RTL4: variants seen among roughly 807,000 people sequenced by gnomAD.
The protein encoded by RTL4 is retrotransposon Gag-like protein 4.
A neutral mutation model predicts 5.3 loss-of-function variants in RTL4; 4 were observed. That is an observed-to-expected ratio of 0.75 (90% confidence interval 0.37 to 1.72). RTL4 has a LOEUF of 1.72. Ranked by LOEUF, RTL4 falls within the 40% of genes most tolerant of loss-of-function variation. The probability of loss-of-function intolerance (pLI) is 0.04; values close to 1 mark genes in which losing one functional copy is unlikely to be tolerated. For missense variants in RTL4, 260 were observed against 227.1 expected, an observed-to-expected ratio of 1.14 and a Z score of -0.93; for synonymous variants, 98 against 87.3, an observed-to-expected ratio of 1.12 and a Z score of -0.68.
the RTL4 span, among the ~76,000 whole-genome samples, chrX:112,172,476 G>T: frequency 9.0e-6 from 1 of 111,637 alleles, no homozygotes; most frequent in South Asian, 3.9e-4. Context: ...CACTCAGAAT[G>T]GTGATTATTA....
chrX:112,155,772 T>A, the RTL4 span, among the ~76,000 whole-genome samples: 1 of 111,802 alleles, frequency 8.9e-6, no homozygotes, highest in African/African-American at 3.3e-5. Context: ...GATTTTGCCA[T>A]TTTTTTCCAG....
chrX:112,341,220 C>A, the RTL4 span, among the ~76,000 whole-genome samples: 1 of 109,398 alleles, frequency 9.1e-6, no homozygotes, highest in African/African-American at 3.3e-5. Context: ...ACAAAGTTAG[C>A]GGTAGGAAGG....
At chrX:112,408,193 G>T in the RTL4 span, among the ~76,000 whole-genome samples, 69 of 111,451 alleles carry the variant, frequency 6.2e-4, 1 homozygote, top group East Asian at 0.019. Flanking sequence ...ACAGAGATAT[G>T]TGACCTTTCA....
chrX:112,321,717 A>G, the RTL4 span, among the ~76,000 whole-genome samples: 1 of 111,696 alleles, frequency 9.0e-6, no homozygotes, highest in Non-Finnish European at 1.9e-5. Flanking sequence ...AGCGAGGATG[A>G]TGAAACTCAT....
the RTL4 span, among the ~76,000 whole-genome samples, chrX:112,200,802 C>G: frequency 8.9e-6 from 1 of 111,883 alleles, no homozygotes; most frequent in Non-Finnish European, 1.9e-5. Context: ...AAGACATGCT[C>G]CCTTTGAAAT....
At chrX:112,450,725 A>C (rs1391582544), upstream of RTL4, among the ~76,000 whole-genome samples, 1 of 112,130 alleles carries the variant, frequency 8.9e-6, no homozygotes, top group Non-Finnish European at 1.9e-5. Context: ...TGAATACATA[A>C]TTCTGTAAAG....
the RTL4 span, among the ~76,000 whole-genome samples, chrX:112,106,554 G>A: frequency 8.9e-6 from 1 of 111,957 alleles, no homozygotes; most frequent in Non-Finnish European, 1.9e-5. Flanking sequence ...TGGGATTACT[G>A]GATCACATGG....
At chrX:112,353,476 A>G in the RTL4 span, among the ~76,000 whole-genome samples, 1 of 111,622 alleles carries the variant, frequency 9.0e-6, no homozygotes, top group African/African-American at 3.3e-5. Flanking sequence ...AATGTGGCAC[A>G]TATACACCAT....
the RTL4 span, among the ~76,000 whole-genome samples, chrX:112,220,699 A>G: frequency 8.9e-6 from 1 of 112,381 alleles, no homozygotes; most frequent in South Asian, 3.7e-4. Context: ...TCAAGTTCAA[A>G]GTTCCACAGA....
At chrX:112,107,084 T>G in the RTL4 span, among the ~76,000 whole-genome samples, 2 of 111,718 alleles carry the variant, frequency 1.8e-5, no homozygotes, top group Non-Finnish European at 3.8e-5. Context: ...TCAAAAAAAT[T>G]ACTATAGGTT....
the RTL4 span, among the ~76,000 whole-genome samples, chrX:112,385,505 A>C: frequency 9.0e-6 from 1 of 111,714 alleles, no homozygotes; most frequent in Non-Finnish European, 1.9e-5. Context: ...TCAAAAATCA[A>C]TTGACCATAT....
the RTL4 span, among the ~76,000 whole-genome samples, chrX:112,098,067 C>T: frequency 2.7e-5 from 3 of 109,878 alleles, no homozygotes; most frequent in African/African-American, 6.7e-5. Context: ...CATTAACTCG[C>T]CATTTAACAT....
the RTL4 span, among the ~76,000 whole-genome samples, chrX:112,268,487 A>G: frequency 9.0e-6 from 1 of 111,378 alleles, no homozygotes; most frequent in Non-Finnish European, 1.9e-5. Flanking sequence ...CCAAATCTCT[A>G]TTTTCAACCC....
At chrX:112,201,657 T>A in the RTL4 span, among the ~76,000 whole-genome samples, 1 of 110,444 alleles carries the variant, frequency 9.1e-6, no homozygotes, top group East Asian at 2.9e-4. Flanking sequence ...AAAAAAAAAT[T>A]AGGTTGAAAT....
the RTL4 span, among the ~76,000 whole-genome samples, chrX:112,384,321 T>A: frequency 2.3e-3 from 254 of 112,189 alleles, 2 homozygotes; most frequent in East Asian, 0.031. Context: ...CGTTTTCTTC[T>A]ATGGTTTTTA....
the RTL4 span, among the ~76,000 whole-genome samples, chrX:112,265,733 A>G: frequency 1.8e-5 from 2 of 109,476 alleles, no homozygotes; most frequent in African/African-American, 6.7e-5. Context: ...TCTGTGTTGG[A>G]CCATATTATC....
At chrX:112,166,666 C>T in the RTL4 span, among the ~76,000 whole-genome samples, 1 of 111,567 alleles carries the variant, frequency 9.0e-6, no homozygotes, top group Non-Finnish European at 1.9e-5. Flanking sequence ...CCTAGAGAGG[C>T]GAAGTGTAGT....
the RTL4 span, among the ~76,000 whole-genome samples, chrX:112,297,245 A>C: frequency 9.0e-6 from 1 of 111,082 alleles, no homozygotes; most frequent in Admixed American, 9.6e-5. Flanking sequence ...TTCAGTCCCA[A>C]GTGGTTTTAA....
chrX:112,248,709 A>G, the RTL4 span, among the ~76,000 whole-genome samples: 1 of 112,144 alleles, frequency 8.9e-6, no homozygotes, highest in Non-Finnish European at 1.9e-5. Context: ...CGGTAGGATA[A>G]TAACTGTCCC....
Sources: gnomAD v4.1 joint callset for allele counts (sites outside exome capture counted in the v4.1 genomes callset) on GRCh38, gnomAD v4.1.1 for gene constraint, MANE v1.5 for transcripts, NCBI Gene and HGNC (gene_info 2026-07-23, HGNC 2026-07-21) for gene names.